The following ADGRL1 variants were observed in gnomAD, a reference collection of about 807,000 sequenced individuals.
ADGRL1 encodes CIRL-1.
A neutral mutation model predicts 148.9 loss-of-function variants in ADGRL1; 31 were observed. That is an observed-to-expected ratio of 0.21 (90% confidence interval 0.16 to 0.28). ADGRL1 has a LOEUF of 0.28. Ranked by LOEUF, ADGRL1 falls within the 10% of genes least tolerant of loss-of-function variation. ADGRL1 has a pLI of 1.00. For missense variants in ADGRL1, 1,521 were observed against 2,058.8 expected (o/e 0.74, Z 5.05); for synonymous variants, 937 against 900.3 (o/e 1.04, Z -0.73).
Position 14,159,045 on chromosome 19 carries a change from G to A in ADGRL1, c.2149+45C>T, listed in dbSNP as rs533424748. 1.9e-5 allele frequency: 30 copies of A among 1,609,284 alleles called. No homozygotes were observed. The South Asian group carries it at 2.8e-4, about 15-fold the overall frequency. The stretch of plus-strand genomic sequence containing the variant: ...ACGCTGGCACAGAGCTGGGGGGTGG[G>A]GGTGGGGCTGCTTCCCCACCCGAGG... On this transcript the variant is annotated intron_variant, in intron 11 of 22. Coordinates refer to ENST00000361434, the MANE Select transcript of ADGRL1 (RefSeq NM_014921.5). The surrounding 1 kb of genome is among the most constrained non-coding windows in gnomAD (Gnocchi z 6.0).
At chr19:14,183,026 G>C (rs146308996) in intron 2 of ADGRL1, among the ~76,000 whole-genome samples, 1 of 152,124 alleles carries the variant, frequency 6.6e-6, no homozygotes, top group African/African-American at 2.4e-5. Flanking sequence ...CAGTAATCGA[G>C]TAATCGGTGA....
intron 1 of ADGRL1, among the ~76,000 whole-genome samples, chr19:14,193,786 G>A (rs1274992189): frequency 6.6e-6 from 1 of 152,238 alleles, no homozygotes; most frequent in African/African-American, 2.4e-5. Flanking sequence ...CATGAAGGCA[G>A]AGATCAGAGT....
chr19:14,168,435 C>CGT (rs145434293), intron 4 of ADGRL1, among the ~76,000 whole-genome samples: 12 of 151,874 alleles, frequency 7.9e-5, no homozygotes, highest in South Asian at 2.1e-4. Flanking sequence ...CATGTCTGCG[C>CGT]GTGTGTGTGT....
chr19:14,159,327 C>CT lies in ADGRL1; in HGVS notation c.2023+73dup. 1 of 1,571,970 alleles carries CT rather than the reference C, an allele frequency of 6.4e-7. No individual in the cohort carries two copies. The highest frequency in any genetic ancestry group is 2.3e-5 in the East Asian group (1 of 44,346). Reference sequence around the variant, plus strand: ...GATGCCCAAGGGTCGGATAGCCCCCCTGTGGCCTCCAGGCCAGAACCCCGT... The same window carrying CT: ...GATGCCCAAGGGTCGGATAGCCCCCCTTGTGGCCTCCAGGCCAGAACCCCGT... On this transcript the variant is annotated intron_variant, in intron 10 of 22. Transcript: ENST00000361434. The surrounding 1 kb of genome is among the most constrained non-coding windows in gnomAD (Gnocchi z 6.0).
Position 14,161,358 on chromosome 19 carries a change from G to A in ADGRL1, c.1464C>T (p.Thr488=), listed in dbSNP as rs1479221885. The A allele has an allele frequency of 6.3e-7, 1 of 1,588,576 alleles. No individual in the cohort carries two copies. The highest frequency in any genetic ancestry group is 1.1e-5 in the South Asian group (1 of 87,508). The change falls in exon 6 of 23, where the codon ACC becomes ACT. Residue 488 remains threonine (T), a synonymous_variant. Transcript: ENST00000361434. This position sits in a 1 kb window ranked among gnomAD's most constrained non-coding sequence, Gnocchi z 4.4. ...REVRRVQWPA[T]QQGMLVERPC... The stretch of plus-strand genomic sequence containing the variant: ...GCCTCTCCACCAGCATGCCCTGCTG[G>A]GTGGCCGGCCACTGGACCCGCCGTA...
rs771906895 is a variant in ADGRL1 at position 14,152,778 on chromosome 19, C to G, written c.3423+6G>C. 1 of 1,613,764 alleles carries G rather than the reference C, an allele frequency of 6.2e-7. No homozygotes were observed. The highest frequency in any genetic ancestry group is 8.5e-7 in the Non-Finnish European group (1 of 1,179,852). ...CAGCCCCAGGGAGTCCTGTCTGGCC[C>G]GATACCTGGGTCCCTGTGTAGTAGC... is the stretch of plus-strand genomic sequence containing the variant. On this transcript the variant is annotated splice_donor_region_variant and intron_variant, in intron 19 of 22. Transcript: ENST00000361434. This position sits in a 1 kb window ranked among gnomAD's most constrained non-coding sequence, Gnocchi z 6.1.
chr19:14,194,375 A>G (rs1280454678), intron 1 of ADGRL1, among the ~76,000 whole-genome samples: 1 of 152,230 alleles, frequency 6.6e-6, no homozygotes, highest in African/African-American at 2.4e-5. Context: ...AGAACTTTAA[A>G]GAAACCATTT....
chr19:14,188,372 A>C (rs1269692815), intron 1 of ADGRL1, among the ~76,000 whole-genome samples: 2 of 152,154 alleles, frequency 1.3e-5, no homozygotes, highest in Non-Finnish European at 2.9e-5. Context: ...AAAGACACCC[A>C]CGGAAGAGGC....
At chr19:14,187,173 C>T (rs1308928822) in intron 1 of ADGRL1, among the ~76,000 whole-genome samples, 4 of 152,088 alleles carry the variant, frequency 2.6e-5, no homozygotes, top group African/African-American at 9.7e-5. Context: ...CCCATCTCTA[C>T]TAAAAATACC....
At chr19:14,171,698 TTATA>T (rs1391040692) in intron 3 of ADGRL1, among the ~76,000 whole-genome samples, 21 of 152,176 alleles carry the variant, frequency 1.4e-4, no homozygotes, top group African/African-American at 4.8e-4. Flanking sequence ...CTGTGCAGAC[TTATA>T]GCCAGGGCAG....
intron 22 of ADGRL1, 34 bp from the exon 23 acceptor site, chr19:14,151,649 A>C: frequency 6.4e-7 from 1 of 1,553,086 alleles, no homozygotes; most frequent in African/African-American, 1.4e-5. Context: ...CAGGTTGAAG[A>C]GGGGCCCTGG....
rs529822131 is a variant in ADGRL1, at chr19:14,155,194, C to G, written c.3294+165G>C. 2.5e-5 allele frequency: 18 copies of G among 729,154 alleles called. No homozygotes were observed. Among genetic ancestry groups the G allele is most frequent in the Non-Finnish European group, 3.8e-5 (17 of 450,078 alleles). 45.2% of individuals were successfully genotyped at this position (729,154 alleles called of 1,614,324 possible). On this transcript the variant is annotated intron_variant, in intron 18 of 22. Transcript: ENST00000361434. The surrounding 1 kb of genome is among the most constrained non-coding windows in gnomAD (Gnocchi z 5.0). ...GTTAAACCCTCCCTAACCCTGAGCTCGTGCTCCCCTCCCGGTGGACGCAGA... is the reference window on the plus strand; with the variant it reads ...GTTAAACCCTCCCTAACCCTGAGCTGGTGCTCCCCTCCCGGTGGACGCAGA...
chr19:14,152,661 C>G lies in ADGRL1; in HGVS notation c.3424-48G>C, dbSNP rs375623843. ...AGGGGATCCTTGGGCCACCCACCCTCTGGCGTCTTTCTGAGACTGCTCACC... is the reference window on the plus strand; with the variant it reads ...AGGGGATCCTTGGGCCACCCACCCTGTGGCGTCTTTCTGAGACTGCTCACC... On this transcript the variant is annotated intron_variant, in intron 19 of 22. Transcript: ENST00000361434. This position sits in a 1 kb window ranked among gnomAD's most constrained non-coding sequence, Gnocchi z 6.1. The G allele has an allele frequency of 2.5e-6, 4 of 1,603,790 alleles. No individual in the cohort carries two copies. In the African/African-American group the frequency reaches 5.4e-5, roughly 21 times the overall value.
In ADGRL1 at chr19:14,183,631, C is replaced by G; in HGVS notation, c.-29G>C. 6.4e-7 allele frequency: 1 copy of G among 1,551,202 alleles called. No homozygotes were observed. Among genetic ancestry groups the G allele is most frequent in the Non-Finnish European group, 8.7e-7 (1 of 1,145,320 alleles). ...GGCAGCCGGGTGCGTGTCCGGAGCTCTCAGTGGCCTGTGCGGGGGGCTTTG... is the reference window on the plus strand; with the variant it reads ...GGCAGCCGGGTGCGTGTCCGGAGCTGTCAGTGGCCTGTGCGGGGGGCTTTG... On this transcript the variant is annotated 5_prime_UTR_variant, in exon 2 of 23. Transcript: ENST00000361434.
chr19:14,181,649 G>A (rs1181809713), intron 2 of ADGRL1, among the ~76,000 whole-genome samples: 3 of 151,302 alleles, frequency 2.0e-5, no homozygotes, highest in African/African-American at 7.3e-5. Flanking sequence ...GAACCCGGGA[G>A]GCAGAGGTTG....
In ADGRL1 at chr19:14,162,661, G is replaced by A; in HGVS notation, c.1140C>T (p.Asn380=). 1.2e-6 allele frequency: 2 copies of A among 1,613,850 alleles called. No individual in the cohort carries two copies. Among genetic ancestry groups the A allele is most frequent in the Non-Finnish European group, 1.7e-6 (2 of 1,179,820 alleles). The change falls in exon 5 of 23, where the codon AAC becomes AAT. Residue 380 remains asparagine, a synonymous_variant. Coordinates refer to ENST00000361434, the MANE Select transcript of ADGRL1 (RefSeq NM_014921.5). This position sits in a 1 kb window ranked among gnomAD's most constrained non-coding sequence, Gnocchi z 5.4. ...GGCTGTAGCGCACCACGAAATAGTT[G>A]TTCCAGACGTACAGCTGGTTGTCGC... ...NPRDNQLYVW[N]NYFVVRYSLE... is the part of the protein sequence containing the mutation.
intron 4 of ADGRL1, 90 bp from the exon 5 acceptor site, chr19:14,163,496 GA>G (rs1367158159): frequency 1.1e-3 from 1,076 of 961,888 alleles, no homozygotes; most frequent in South Asian, 4.6e-3. Context: ...GAGAGAGAGA[GA>G]GGGGGGAGAG....
At position 14,157,290 on chromosome 19, in the gene ADGRL1, C is replaced by T. The variant is rs757951171; in HGVS notation, c.2706G>A (p.Glu902=). Residue 902 remains glutamate (E), a synonymous_variant, in exon 14 of 23, where the codon GAG becomes GAA. Transcript: ENST00000361434. This position sits in a 1 kb window ranked among gnomAD's most constrained non-coding sequence, Gnocchi z 7.5. ...KNLCINLFLA[E]LLFLVGIDKT... ...TGTCGATCCCGACCAGGAAGAGCAG[C>T]TCAGCCAGGAAGAGGTTGATGCACA... 2 of 1,614,138 alleles carry T rather than the reference C, an allele frequency of 1.2e-6. No individual in the cohort carries two copies. Among genetic ancestry groups the T allele is most frequent in the Admixed American group, 3.3e-5 (2 of 60,028 alleles).
At position 14,156,221 on chromosome 19, in the gene ADGRL1, C is replaced by T; in HGVS notation, c.3034-20G>A. On this transcript the variant is annotated intron_variant, in intron 16 of 22. Coordinates refer to ENST00000361434, the MANE Select transcript of ADGRL1 (RefSeq NM_014921.5). ...GTTGACCTGGGGGCGGGACAAGGGG[C>T]AGGCTGGGCTGAGAGTGGCCCTGCC... 1 of 1,592,522 alleles carries T rather than the reference C, an allele frequency of 6.3e-7. No individual in the cohort carries two copies. Among genetic ancestry groups the T allele is most frequent in the Non-Finnish European group, 8.6e-7 (1 of 1,163,586 alleles).
Sources: gnomAD v4.1 joint callset for allele counts (sites outside exome capture counted in the v4.1 genomes callset) on GRCh38, gnomAD v4.1.1 for gene constraint, Gnocchi (gnomAD v3.1) non-coding constraint, MANE v1.5 for transcripts, NCBI Gene and HGNC (gene_info 2026-07-23, HGNC 2026-07-21) for gene names.